The following NCAPG variants were observed in gnomAD, a reference collection of about 807,000 sequenced individuals.
NCAPG encodes the protein condensin complex subunit 3.
A neutral mutation model predicts 113.1 loss-of-function variants in NCAPG; 69 were observed. That is an observed-to-expected ratio of 0.61 (90% CI 0.50 to 0.75). The LOEUF (loss-of-function observed/expected upper bound fraction) is 0.75. Among genes scored for constraint, NCAPG ranks in the 30% least tolerant of loss-of-function variants. The probability of loss-of-function intolerance (pLI) is 0.00; values close to 1 mark genes in which losing one functional copy is unlikely to be tolerated. For missense variants in NCAPG, 1,058 were observed against 1,177.0 expected (o/e 0.90, Z 1.48); for synonymous variants, 370 against 415.8 (o/e 0.89, Z 1.34).
intron 7 of NCAPG, among the ~76,000 whole-genome samples, chr4:17,822,006 G>C (rs1721474660): frequency 1.3e-5 from 2 of 152,022 alleles, no homozygotes; most frequent in South Asian, 4.1e-4. Context: ...AAAGGTAGCT[G>C]ATGGTGGTGG....
At position 17,813,022 on chromosome 4, in the gene NCAPG, G is replaced by C; in HGVS notation, c.421G>C (p.Asp141His). The C allele has an allele frequency of 6.2e-7, 1 of 1,614,020 alleles. No homozygotes were observed. The highest frequency in any genetic ancestry group is 8.5e-7 in the Non-Finnish European group (1 of 1,179,944). ...TGCTCAGATTGATGATGATGTGTTTGATAAAATTAATAAAGCCATGCTTAT... is the reference window on the plus strand; with the variant it reads ...TGCTCAGATTGATGATGATGTGTTTCATAAAATTAATAAAGCCATGCTTAT... ...ENAQIDDDVF[D>H]KINKAMLIRL... Residue 141 changes from aspartate to histidine, a missense_variant, in exon 3 of 21, where the codon GAT becomes CAT. Coordinates refer to ENST00000251496, the MANE Select transcript of NCAPG (RefSeq NM_022346.5).
chr4:17,842,298 A>ACTAT lies in NCAPG; in HGVS notation c.2855-9_2855-6dup, dbSNP rs761196825. The ACTAT allele has an allele frequency of 8.0e-5, 129 of 1,609,514 alleles. No homozygotes were observed. The highest frequency in any genetic ancestry group is 6.3e-4 in the East Asian group (28 of 44,784). On this transcript the variant is annotated splice_polypyrimidine_tract_variant and intron_variant, in intron 19 of 20. Transcript: ENST00000251496. ...ATAATAAATCCTGATAATGAATTAT[A>ACTAT]CTATCTTCAAGGACAGAGAAAAGTG...
At chr4:17,827,510 C>T (rs942650871) in intron 11 of NCAPG, among the ~76,000 whole-genome samples, 57 of 152,062 alleles carry the variant, frequency 3.7e-4, no homozygotes, top group African/African-American at 1.1e-3. Context: ...AAATTAGTAA[C>T]GGAGAAAAGG....
intron 7 of NCAPG, among the ~76,000 whole-genome samples, chr4:17,820,726 C>A (rs532601046): frequency 6.6e-6 from 1 of 152,160 alleles, no homozygotes; most frequent in African/African-American, 2.4e-5. Context: ...TACTTGAGTA[C>A]AGAAACAAAA....
intron 7 of NCAPG, among the ~76,000 whole-genome samples, chr4:17,819,705 T>C (rs115188491): frequency 0.016 from 2,467 of 152,306 alleles, 30 homozygotes; most frequent in Non-Finnish European, 0.027. Flanking sequence ...CAGCCTGATG[T>C]ATTTTTTTAA....
chr4:17,813,610 A>G (rs549638840), intron 3 of NCAPG, among the ~76,000 whole-genome samples: 1 of 152,084 alleles, frequency 6.6e-6, no homozygotes, highest in South Asian at 2.1e-4. Context: ...ATATATTTTG[A>G]AAAGAAATCC....
intron 19 of NCAPG, 98 bp from the exon 20 acceptor site, chr4:17,842,212 T>C: frequency 2.0e-6 from 2 of 982,740 alleles, no homozygotes. Flanking sequence ...GAAAGGATTG[T>C]TGTGTTGAAG....
rs575800882 is a variant in NCAPG at position 17,838,100 on chromosome 4, C to G, written c.2466+299C>G. On this transcript the variant is annotated intron_variant, in intron 16 of 20. Coordinates refer to ENST00000251496, the MANE Select transcript of NCAPG (RefSeq NM_022346.5). Reference sequence around the variant, plus strand: ...AATAACCTATGTTATCTAGGACTCACAGAGTCTTCAAATGTTGGCTTACCT... The same window carrying G: ...AATAACCTATGTTATCTAGGACTCAGAGAGTCTTCAAATGTTGGCTTACCT... Among the ~76,000 whole-genome samples, 22 of 152,310 alleles carry G rather than the reference C, an allele frequency of 1.4e-4. 1 individual carries two copies. In the South Asian group the frequency reaches 4.1e-3, roughly 29 times the overall value.
At position 17,817,261 on chromosome 4, in the gene NCAPG, A is replaced by G. The variant is rs145052519; in HGVS notation, c.776A>G (p.Asp259Gly). Residue 259 changes from aspartate (D) to glycine (G), a missense_variant and splice_region_variant, in exon 6 of 21, where the codon GAT becomes GGT. By Grantham distance (94) the Asp-to-Gly change is moderately conservative (BLOSUM62 -1). Transcript: ENST00000251496. ...ACCTATGTTTCAAATGACTCAATAG[A>G]TGCTGTGAAACAAGCTATGCAGAAG... ...LLQQGLNDRS[D>G]AVKQAMQKHL... 232 of 1,610,856 alleles carry G rather than the reference A, an allele frequency of 1.4e-4. No individual in the cohort carries two copies. Among genetic ancestry groups the G allele is most frequent in the Non-Finnish European group, 1.8e-4 (215 of 1,178,320 alleles).
intron 4 of NCAPG, 48 bp downstream of exon 4, chr4:17,815,046 A>G (rs1398689489): frequency 6.3e-7 from 1 of 1,597,760 alleles, no homozygotes; most frequent in East Asian, 2.2e-5. Context: ...AAGGACAAGG[A>G]GCCATTTTCT....
Position 17,815,322 on chromosome 4 carries a change from G to A in NCAPG, c.739G>A (p.Val247Ile), listed in dbSNP as rs1721157965. Residue 247 changes from valine (V) to isoleucine (I), a missense_variant, in exon 5 of 21, where the codon GTA (valine) becomes ATA (isoleucine). Transcript: ENST00000251496. ...HMRAMSIAQRVMLLQQGLNDR... is the reference protein window; with the variant it reads ...HMRAMSIAQRIMLLQQGLNDR... Reference sequence around the variant, plus strand: ...GAGAGCTATGTCCATTGCTCAGAGAGTAATGCTCCTTCAACAAGGTCTTAA... The same window carrying A: ...GAGAGCTATGTCCATTGCTCAGAGAATAATGCTCCTTCAACAAGGTCTTAA... The A allele has an allele frequency of 6.3e-7, 1 of 1,587,068 alleles. No individual in the cohort carries two copies. The highest frequency in any genetic ancestry group is 8.5e-7 in the Non-Finnish European group (1 of 1,173,856).
At chr4:17,833,466 A>AT (rs1225062015) in intron 13 of NCAPG, among the ~76,000 whole-genome samples, 31 of 141,484 alleles carry the variant, frequency 2.2e-4, no homozygotes, top group African/African-American at 6.2e-4. Context: ...CTCAAAAAAA[A>AT]AAAATATATA....
At chr4:17,812,491 G>A (rs2109041338) in intron 2 of NCAPG, 67 bp downstream of exon 2, 2 of 1,159,334 alleles carry the variant, frequency 1.7e-6, no homozygotes, top group Non-Finnish European at 2.5e-6. Flanking sequence ...AGAGTCGTGG[G>A]AGTTTGTATG....
At chr4:17,816,169 A>G (rs905194030) in intron 5 of NCAPG, among the ~76,000 whole-genome samples, 14 of 152,078 alleles carry the variant, frequency 9.2e-5, no homozygotes, top group Admixed American at 2.0e-4. Flanking sequence ...GATGGTTTCC[A>G]GATGAAACTG....
intron 13 of NCAPG, among the ~76,000 whole-genome samples, chr4:17,832,293 G>A (rs954285637): frequency 6.6e-6 from 1 of 152,154 alleles, no homozygotes; most frequent in African/African-American, 2.4e-5. Context: ...CTAGGAAAGC[G>A]ATGGCGATGG....
intron 7 of NCAPG, among the ~76,000 whole-genome samples, chr4:17,820,076 T>C (rs1224100788): frequency 6.6e-6 from 1 of 152,094 alleles, no homozygotes; most frequent in Non-Finnish European, 1.5e-5. Context: ...TATATAAATA[T>C]AAAAGATGTT....
chr4:17,820,907 G>T (rs1465678545), intron 7 of NCAPG, among the ~76,000 whole-genome samples: 1 of 152,182 alleles, frequency 6.6e-6, no homozygotes, highest in African/African-American at 2.4e-5. Context: ...ATTAGAGTAA[G>T]TAAAAGGGAC....
At chr4:17,819,478 T>G (rs1310746011) in intron 7 of NCAPG, among the ~76,000 whole-genome samples, 1 of 152,072 alleles carries the variant, frequency 6.6e-6, no homozygotes, top group Non-Finnish European at 1.5e-5. Flanking sequence ...CTCGGCTCAC[T>G]GCATCCTCCG....
At chr4:17,833,767 G>A (rs561981171) in intron 13 of NCAPG, among the ~76,000 whole-genome samples, 222 of 152,002 alleles carry the variant, frequency 1.5e-3, no homozygotes, top group African/African-American at 5.1e-3. Flanking sequence ...AAGGAGTCTA[G>A]TTGAAAACTG....
Sources: allele counts gnomAD v4.1 joint callset (sites outside exome capture counted in the v4.1 genomes callset), GRCh38; gene constraint gnomAD v4.1.1; transcripts MANE v1.5; gene names NCBI Gene and HGNC (gene_info 2026-07-23, HGNC 2026-07-21).